Variants in LINGO2 observed in about 807,000 individuals in gnomAD.
LINGO2 encodes the protein leucine rich repeat and Ig domain containing 2.
A neutral mutation model predicts 30.6 loss-of-function variants in LINGO2; 14 were observed. The ratio of observed to expected loss-of-function variants is 0.46; its 90% CI spans 0.30 to 0.72. The LOEUF (loss-of-function observed/expected upper bound fraction) is 0.72. LINGO2 is among the 30% of genes least tolerant of loss of function. The pLI is 0.07. For missense variants in LINGO2, 729 were observed against 751.7 expected, an observed-to-expected ratio of 0.97 and a Z score of 0.35; for synonymous variants, 317 against 288.5, an observed-to-expected ratio of 1.10 and a Z score of -1.00.
At chr9:28,085,931 T>C (rs67976833) in intron 4 of LINGO2, among the ~76,000 whole-genome samples, 14,209 of 152,066 alleles carry the variant, frequency 0.093, 769 homozygotes, top group African/African-American at 0.15. Context: ...ATCTCTAAGA[T>C]AAATCATTAT....
At chr9:28,526,188 T>TG (rs1188113625) in intron 1 of LINGO2, among the ~76,000 whole-genome samples, 1 of 152,060 alleles carries the variant, frequency 6.6e-6, no homozygotes, top group African/African-American at 2.4e-5. Flanking sequence ...AAATTGCTAT[T>TG]GGAAAGGTAC....
chr9:28,739,618 T>A, the LINGO2 span, among the ~76,000 whole-genome samples: 2 of 151,858 alleles, frequency 1.3e-5, no homozygotes, highest in Admixed American at 6.6e-5. Flanking sequence ...TTTTAAATAT[T>A]ATGAAACTCT....
chr9:28,807,808 C>T, the LINGO2 span, among the ~76,000 whole-genome samples: 1 of 151,850 alleles, frequency 6.6e-6, no homozygotes, highest in Admixed American at 6.6e-5. Context: ...ATCAATTTAC[C>T]AATTTATTTC....
chr9:28,192,485 T>G (rs1015066656), intron 4 of LINGO2, among the ~76,000 whole-genome samples: 1 of 152,144 alleles, frequency 6.6e-6, no homozygotes, highest in Admixed American at 6.6e-5. Context: ...TTATCAGTGA[T>G]TGCAATTCTT....
the LINGO2 span, among the ~76,000 whole-genome samples, chr9:29,131,113 T>A: frequency 3.3e-5 from 5 of 152,298 alleles, no homozygotes; most frequent in South Asian, 1.0e-3. Context: ...TTATTCTAAA[T>A]GGATGGAACC....
chr9:28,018,971 CTTT>C, intron 4 of LINGO2, among the ~76,000 whole-genome samples: 1 of 152,112 alleles, frequency 6.6e-6, no homozygotes, highest in African/African-American at 2.4e-5. Context: ...AGATCATGTC[CTTT>C]GCAGCAACAT....
intron 4 of LINGO2, among the ~76,000 whole-genome samples, chr9:28,252,796 A>C (rs936454185): frequency 2.0e-5 from 3 of 152,092 alleles, no homozygotes; most frequent in East Asian, 1.9e-4. Context: ...AGTGAGTAGT[A>C]ATAGTACAAG....
intron 2 of LINGO2, among the ~76,000 whole-genome samples, chr9:28,397,667 C>T (rs1030489372): frequency 1.3e-5 from 2 of 151,438 alleles, no homozygotes; most frequent in South Asian, 4.2e-4. Flanking sequence ...CCTGCCTCAG[C>T]CTCCCGAGTA....
At position 28,625,848 on chromosome 9, in the gene LINGO2, TTG is replaced by T. The variant is rs541287571; in HGVS notation, c.-365+44350_-365+44351del. Among the ~76,000 whole-genome samples the T allele has an allele frequency of 1.7e-4, 26 of 152,210 alleles. No individual in the cohort carries two copies. The South Asian group carries it at 5.2e-3, about 30-fold the overall frequency. On this transcript the variant is annotated intron_variant, in intron 1 of 5. Transcript: ENST00000379992. ...TTCTCTAACATTTAGCTTTTGAACT[TTG>T]TGTTTTTTCATTTGAAAGATATAAT...
At chr9:28,267,226 G>C (rs1822783709) in intron 4 of LINGO2, among the ~76,000 whole-genome samples, 1 of 151,876 alleles carries the variant, frequency 6.6e-6, no homozygotes, top group South Asian at 2.1e-4. Context: ...TGTTGTTGTT[G>C]TTCTTGTTAA....
chr9:28,520,155 T>C (rs146549138), intron 1 of LINGO2, among the ~76,000 whole-genome samples: 114 of 152,308 alleles, frequency 7.5e-4, no homozygotes, highest in African/African-American at 2.6e-3. Flanking sequence ...TTAATTCTTA[T>C]GCCGCTTTTG....
chr9:28,194,011 G>A (rs368947350), intron 4 of LINGO2, among the ~76,000 whole-genome samples: 46 of 152,260 alleles, frequency 3.0e-4, no homozygotes, highest in South Asian at 1.9e-3. Flanking sequence ...ACTTGTTTTG[G>A]AAGTCACATA....
At chr9:28,659,656 C>T (rs1462443040) in intron 1 of LINGO2, among the ~76,000 whole-genome samples, 1 of 151,832 alleles carries the variant, frequency 6.6e-6, no homozygotes, top group Middle Eastern at 3.2e-3. Flanking sequence ...GCCATGTTGC[C>T]CAGGCTGATC....
intron 2 of LINGO2, among the ~76,000 whole-genome samples, chr9:28,406,070 C>G (rs1833249288): frequency 6.6e-6 from 1 of 152,076 alleles, no homozygotes; most frequent in South Asian, 2.1e-4. Flanking sequence ...TATTCTAATT[C>G]CTTGTTTTCA....
intron 4 of LINGO2, among the ~76,000 whole-genome samples, chr9:28,074,308 T>C (rs990125227): frequency 3.3e-5 from 5 of 152,214 alleles, no homozygotes. Context: ...CTAATATCTC[T>C]GTAATGATAG....
At chr9:27,981,550 A>AAAAAAAAAAAAAAAAAAAAAAAAC (rs1820864449) in intron 5 of LINGO2, among the ~76,000 whole-genome samples, 1 of 117,638 alleles carries the variant, frequency 8.5e-6, no homozygotes. Context: ...AAAAAAAAAA[A>AAAAAAAAAAAAAAAAAAAAAAAAC]GAAAAAAAAG....
the LINGO2 span, among the ~76,000 whole-genome samples, chr9:29,104,865 C>T: frequency 1.3e-5 from 2 of 152,078 alleles, no homozygotes; most frequent in African/African-American, 4.8e-5. Flanking sequence ...AAGCAATTTT[C>T]CCTAAAAGAT....
At chr9:28,301,195 A>G (rs1824127753) in intron 3 of LINGO2, among the ~76,000 whole-genome samples, 1 of 152,222 alleles carries the variant, frequency 6.6e-6, no homozygotes, top group East Asian at 1.9e-4. Context: ...ATTACAAACA[A>G]CATTTGAAAC....
At chr9:29,125,168 C>T in the LINGO2 span, among the ~76,000 whole-genome samples, 24 of 152,178 alleles carry the variant, frequency 1.6e-4, no homozygotes, top group African/African-American at 5.8e-4. Context: ...GAACATAAAA[C>T]CAAACACCAC....
Sources: allele counts gnomAD v4.1 joint callset (sites outside exome capture counted in the v4.1 genomes callset), GRCh38; gene constraint gnomAD v4.1.1; transcripts MANE v1.5; gene names NCBI Gene and HGNC (gene_info 2026-07-23, HGNC 2026-07-21).